Variants in FOXP2 observed in about 807,000 individuals in gnomAD.
FOXP2 encodes the protein forkhead box P2, also known as forkhead box protein P2.
In FOXP2, 12 loss-of-function variants were observed where a neutral mutation model predicts 115.8. The ratio of observed to expected loss-of-function variants is 0.10; its 90% CI spans 0.07 to 0.17. The LOEUF is 0.17. FOXP2 is among the 10% of genes least tolerant of loss of function. The pLI, the probability that FOXP2 is intolerant of heterozygous loss-of-function variation, is 1.00. For synonymous variants in FOXP2, 328 were observed against 297.7 expected, an observed-to-expected ratio of 1.10 and a Z score of -1.05; for missense variants, 629 against 843.5, an observed-to-expected ratio of 0.75 and a Z score of 3.15.
At chr7:114,210,509 A>C (rs562096506) in intron 1 of FOXP2, among the ~76,000 whole-genome samples, 1 of 152,170 alleles carries the variant, frequency 6.6e-6, no homozygotes, top group Non-Finnish European at 1.5e-5. Flanking sequence ...ATGGCAGCCA[A>C]ATTTTTGCCC....
At chr7:114,628,423 A>C (rs1029092465) in intron 3 of FOXP2, 117 bp from the exon 4 acceptor site, 6 of 1,390,874 alleles carry the variant, frequency 4.3e-6, no homozygotes, top group Non-Finnish European at 6.0e-6. Context: ...GTGACGTAAA[A>C]ATTATTGATC....
chr7:114,634,885 T>G (rs2129329713), intron 6 of FOXP2, among the ~76,000 whole-genome samples: 1 of 152,296 alleles, frequency 6.6e-6, no homozygotes, highest in South Asian at 2.1e-4. Context: ...CCACAATATA[T>G]TCACACATTT....
chr7:114,638,006 AACAGAG>A (rs1361409798), intron 6 of FOXP2, among the ~76,000 whole-genome samples: 3 of 152,186 alleles, frequency 2.0e-5, no homozygotes, highest in African/African-American at 7.2e-5. Context: ...AGTTAAATAA[AACAGAG>A]ACAAAGAAAA....
chr7:114,276,163 A>G (rs1245945448), intron 1 of FOXP2, among the ~76,000 whole-genome samples: 10 of 151,866 alleles, frequency 6.6e-5, no homozygotes, highest in Admixed American at 6.6e-4. Flanking sequence ...ATTGTTATTT[A>G]TGTATTACTT....
intron 1 of FOXP2, among the ~76,000 whole-genome samples, chr7:114,278,951 A>G (rs1796260640): frequency 6.6e-6 from 1 of 152,094 alleles, no homozygotes; most frequent in Admixed American, 6.6e-5. Context: ...GCCCAATTCA[A>G]GTTGCATTCA....
upstream of FOXP2, among the ~76,000 whole-genome samples, chr7:114,412,138 G>T (rs1372306619): frequency 1.3e-5 from 2 of 152,066 alleles, no homozygotes; most frequent in Non-Finnish European, 2.9e-5. Context: ...TAAGGGCATA[G>T]AAAGAAAACA....
chr7:114,453,160 G>C (rs1393803079), intron 2 of FOXP2, among the ~76,000 whole-genome samples: 1 of 152,084 alleles, frequency 6.6e-6, no homozygotes, highest in Non-Finnish European at 1.5e-5. Context: ...GGAAACAACA[G>C]TTTTGAATGT....
At chr7:114,564,076 C>T (rs1800882951) in intron 3 of FOXP2, among the ~76,000 whole-genome samples, 1 of 152,056 alleles carries the variant, frequency 6.6e-6, no homozygotes, top group South Asian at 2.1e-4. Flanking sequence ...AACAAACATA[C>T]AAACAAACAA....
intron 2 of FOXP2, among the ~76,000 whole-genome samples, chr7:114,529,186 A>ATATT (rs1313452813): frequency 2.0e-5 from 3 of 151,572 alleles, no homozygotes; most frequent in African/African-American, 7.3e-5. Context: ...TCCCTTTTAA[A>ATATT]CTCATTCTAC....
chr7:114,566,331 A>G (rs1801017790), intron 3 of FOXP2, among the ~76,000 whole-genome samples: 1 of 152,070 alleles, frequency 6.6e-6, no homozygotes, highest in South Asian at 2.1e-4. Context: ...CTCATGTTGA[A>G]ATTTGACCCC....
At chr7:114,659,535 A>G (rs368643162) in intron 12 of FOXP2, 37 bp from the exon 13 acceptor site, 4 of 1,594,918 alleles carry the variant, frequency 2.5e-6, no homozygotes, top group African/African-American at 2.7e-5. Context: ...TTAGTAAACC[A>G]TTATTTTATG....
At chr7:114,248,316 C>T (rs781359337) in intron 1 of FOXP2, among the ~76,000 whole-genome samples, 7 of 151,728 alleles carry the variant, frequency 4.6e-5, no homozygotes, top group Admixed American at 1.3e-4. Context: ...TCTGGTTTAC[C>T]CAGTCTCTCA....
At chr7:114,355,777 G>T (rs1044577163) in intron 2 of FOXP2, among the ~76,000 whole-genome samples, 5 of 152,132 alleles carry the variant, frequency 3.3e-5, no homozygotes, top group African/African-American at 1.2e-4. Flanking sequence ...GACTGGCATT[G>T]CTTCCTGTGC....
chr7:114,691,224 T>C lies in FOXP2; in HGVS notation c.*1298T>C. The C allele has an allele frequency of 2.2e-6, 1 of 454,022 alleles. No homozygotes were observed. The highest frequency in any genetic ancestry group is 1.6e-5 in the South Asian group (1 of 64,450). The allele number at this position is 454,022 out of a possible 1,614,324, so 28.1% of individuals were successfully genotyped here. ...TTGTTAGAAGATGTCTTGTATGGTC[T>C]TAATCTTTGTTGTGTACTATTTTTT... On this transcript the variant is annotated 3_prime_UTR_variant, in exon 17 of 17. Coordinates refer to ENST00000350908, the MANE Select transcript of FOXP2 (RefSeq NM_014491.4).
intron 2 of FOXP2, among the ~76,000 whole-genome samples, chr7:114,359,453 G>A (rs942742218): frequency 1.3e-5 from 2 of 152,126 alleles, no homozygotes; most frequent in African/African-American, 4.8e-5. Context: ...GTGGGAAGAG[G>A]GCCACCATCC....
intron 2 of FOXP2, among the ~76,000 whole-genome samples, chr7:114,427,314 A>G (rs998322136): frequency 6.6e-6 from 1 of 151,526 alleles, no homozygotes; most frequent in Admixed American, 6.6e-5. Flanking sequence ...TTAAATCTGG[A>G]AATGTTAACA....
intron 1 of FOXP2, among the ~76,000 whole-genome samples, chr7:114,165,120 A>T (rs1365121143): frequency 1.3e-5 from 2 of 152,158 alleles, no homozygotes; most frequent in Non-Finnish European, 2.9e-5. Flanking sequence ...GGTATGTTGG[A>T]AACATTCTGT....
intron 2 of FOXP2, among the ~76,000 whole-genome samples, chr7:114,509,663 T>A (rs889726519): frequency 8.9e-6 from 1 of 112,484 alleles, no homozygotes; most frequent in South Asian, 3.2e-4. Flanking sequence ...TGTTTTGTTT[T>A]CTTTGGTGGG....
intron 1 of FOXP2, among the ~76,000 whole-genome samples, chr7:114,281,521 A>G (rs1023638982): frequency 6.6e-5 from 10 of 152,310 alleles, no homozygotes; most frequent in Admixed American, 2.6e-4. Flanking sequence ...GCAGAAACCT[A>G]CAACTAACTG....
Sources: allele counts gnomAD v4.1 joint callset (sites outside exome capture counted in the v4.1 genomes callset), GRCh38; gene constraint gnomAD v4.1.1; transcripts MANE v1.5; gene names NCBI Gene and HGNC (gene_info 2026-07-23, HGNC 2026-07-21).